Variants in SF1 observed in about 807,000 individuals in gnomAD.
The protein encoded by SF1 is splicing factor 1, also known as branch point-binding protein.
A neutral mutation model predicts 62.5 loss-of-function variants in SF1; 7 were observed. The ratio of observed to expected loss-of-function variants is 0.11; its 90% CI spans 0.06 to 0.21. The LOEUF (loss-of-function observed/expected upper bound fraction) is 0.21, where lower values mean the gene tolerates loss of function less well. SF1 is among the 10% of genes least tolerant of loss of function. The pLI is 1.00. For missense variants in SF1, 578 were observed against 884.0 expected (o/e 0.65, Z 4.39); for synonymous variants, 394 against 323.6 (o/e 1.22, Z -2.33).
In SF1 at chr11:64,769,626, G is replaced by A. The variant is rs2135921678; in HGVS notation, c.480-17C>T. 1.2e-6 allele frequency: 2 copies of A among 1,607,826 alleles called. No homozygotes were observed. Among genetic ancestry groups the A allele is most frequent in the Non-Finnish European group, 1.7e-6 (2 of 1,175,664 alleles). ...GTGTTCCCTCTAGAGAGGCAGAAAT[G>A]ACTAAGTTTATACCTGACAAATTCA... On this transcript the variant is annotated splice_polypyrimidine_tract_variant and intron_variant, in intron 5 of 12. Coordinates refer to ENST00000377390, the MANE Select transcript of SF1 (RefSeq NM_004630.4).
intron 8 of SF1, 92 bp downstream of exon 8, chr11:64,768,930 C>T (rs1937821953): frequency 1.1e-6 from 1 of 874,420 alleles, no homozygotes; most frequent in South Asian, 1.3e-5. Context: ...GGATGTTTCT[C>T]TTGGTAAGAT....
At chr11:64,777,972 C>T in intron 1 of SF1, 1 of 992,690 alleles carries the variant, frequency 1.0e-6, no homozygotes, top group Non-Finnish European at 1.2e-6. Flanking sequence ...CTCGCGCTCT[C>T]TCGGCCCGAC....
intron 3 of SF1, 42 bp from the exon 4 acceptor site, chr11:64,770,450 C>G: frequency 6.3e-7 from 1 of 1,595,410 alleles, no homozygotes; most frequent in Non-Finnish European, 8.6e-7. Context: ...GCACCGACTT[C>G]TCTCATTCCC....
In SF1 at chr11:64,765,086, C is replaced by T. The variant is rs911172616; in HGVS notation, c.*732G>A. On this transcript the variant is annotated 3_prime_UTR_variant, in exon 13 of 13. Transcript: ENST00000377390. ...GACAAGGGTGGCAGAGATTAAAAAA[C>T]CCCACGCTTTAAACAAACATCTTTG... is the stretch of plus-strand genomic sequence containing the variant. 4.4e-4 allele frequency: 77 copies of T among 175,472 alleles called. No individual in the cohort carries two copies. Among genetic ancestry groups the T allele is most frequent in the African/African-American group, 1.8e-3 (76 of 42,380 alleles). The allele number at this position is 175,472 out of a possible 1,614,324, so 10.9% of individuals were successfully genotyped here. A position where few individuals can be genotyped will look rare whatever the true frequency, so the allele number is the denominator to read the frequency against.
At chr11:64,766,200 C>G in intron 12 of SF1, 45 bp from the exon 13 acceptor site, 1 of 1,512,852 alleles carries the variant, frequency 6.6e-7, no homozygotes, top group Non-Finnish European at 9.0e-7. Context: ...GGGGGCACAC[C>G]GCGGCTGTCT....
intron 1 of SF1, chr11:64,778,136 G>A (rs1939689997): frequency 2.4e-6 from 2 of 817,602 alleles, no homozygotes; most frequent in Non-Finnish European, 3.0e-6. Flanking sequence ...TGGCGGTGGA[G>A]GCGGCGGCGG....
In SF1 at chr11:64,767,758, A is replaced by G; in HGVS notation, c.1155T>C (p.Gly385=). The stretch of plus-strand genomic sequence containing the variant: ...GGCCACCTCCGGGCCCACCAGGACC[A>G]CCTCCATGCATGCCGTGGTAGGGCC... ...ESRPYHGMHG[G]GPGGPGGGPH... The change falls in exon 10 of 13, where the codon GGT becomes GGC. Residue 385 remains glycine, a synonymous_variant. Coordinates refer to ENST00000377390, the MANE Select transcript of SF1 (RefSeq NM_004630.4). 1 of 1,613,190 alleles carries G rather than the reference A, an allele frequency of 6.2e-7. No homozygotes were observed. The highest frequency in any genetic ancestry group is 8.5e-7 in the Non-Finnish European group (1 of 1,179,610).
intron 12 of SF1, 39 bp downstream of exon 12, chr11:64,766,861 A>AAC (rs2135886311): frequency 1.9e-5 from 3 of 158,968 alleles, no homozygotes; most frequent in Non-Finnish European, 3.7e-5. Flanking sequence ...CCCCACCCCC[A>AAC]TCCCACCCAC....
At chr11:64,777,518 T>A in intron 1 of SF1, 1 of 985,414 alleles carries the variant, frequency 1.0e-6, no homozygotes, top group Non-Finnish European at 1.2e-6. Flanking sequence ...ATGAAAACCC[T>A]GCCTTGCTGT....
rs747475240 is a variant in SF1, at chr11:64,765,361, G to A, written c.*457C>T. Reference sequence around the variant, plus strand: ...AAAAATTTCACGATATGGAGCCAGCGTGTTCCGATTCCGTCCACAAAAATA... The same window carrying A: ...AAAAATTTCACGATATGGAGCCAGCATGTTCCGATTCCGTCCACAAAAATA... On this transcript the variant is annotated 3_prime_UTR_variant, in exon 13 of 13. Transcript: ENST00000377390. 1.9e-5 allele frequency: 16 copies of A among 864,172 alleles called. No homozygotes were observed. The highest frequency in any genetic ancestry group is 2.4e-4 in the Middle Eastern group (1 of 4,184). The allele number at this position is 864,172 out of a possible 1,614,324, so 53.5% of individuals were successfully genotyped here.
intron 3 of SF1, chr11:64,771,572 C>T (rs1188057501): frequency 4.1e-6 from 4 of 985,266 alleles, no homozygotes; most frequent in Non-Finnish European, 4.8e-6. Context: ...GTTACACACA[C>T]GATGGAATAA....
intron 2 of SF1, among the ~76,000 whole-genome samples, chr11:64,774,168 A>G (rs1938765294): frequency 1.3e-5 from 2 of 152,238 alleles, no homozygotes; most frequent in African/African-American, 4.8e-5. Flanking sequence ...TTATTCAAAT[A>G]TTAAATGACA....
chr11:64,775,921 C>T (rs71583708), intron 2 of SF1: 265 of 153,200 alleles, frequency 1.7e-3, no homozygotes, highest in Middle Eastern at 0.01. Context: ...CATTTTAAGA[C>T]AGCTCTCCAT....
At chr11:64,773,781 C>CTA (rs1429496395) in intron 2 of SF1, among the ~76,000 whole-genome samples, 1 of 152,198 alleles carries the variant, frequency 6.6e-6, no homozygotes, top group African/African-American at 2.4e-5. Context: ...CTAAGGCTAA[C>CTA]ATCCAAGCAA....
chr11:64,771,183 A>T (rs1370456886), intron 3 of SF1, among the ~76,000 whole-genome samples: 1 of 152,354 alleles, frequency 6.6e-6, no homozygotes, highest in Admixed American at 6.5e-5. Context: ...ACCAGAGTTT[A>T]CAAGTCCAGA....
At chr11:64,777,659 G>T (rs1939534592) in intron 1 of SF1, 1 of 985,538 alleles carries the variant, frequency 1.0e-6, no homozygotes, top group Non-Finnish European at 1.2e-6. Flanking sequence ...GTCCAGCGCT[G>T]AACACCCGCC....
chr11:64,777,949 C>A (rs1477378585), intron 1 of SF1: 20 of 986,254 alleles, frequency 2.0e-5, no homozygotes, highest in Non-Finnish European at 2.4e-5. Flanking sequence ...CCGGGCCCGT[C>A]CGCGCGACGC....
intron 3 of SF1, chr11:64,771,657 C>T: frequency 3.0e-6 from 3 of 985,314 alleles, no homozygotes; most frequent in Non-Finnish European, 3.6e-6. Flanking sequence ...ACTGTTAGCA[C>T]AATCCATTAA....
intron 4 of SF1, 68 bp downstream of exon 4, chr11:64,770,187 TC>T: frequency 6.3e-7 from 1 of 1,575,618 alleles, no homozygotes; most frequent in African/African-American, 1.3e-5. Context: ...ACCAATACTG[TC>T]CCATCCCAGC....
Sources: gnomAD v4.1 joint callset for allele counts (sites outside exome capture counted in the v4.1 genomes callset) on GRCh38, gnomAD v4.1.1 for gene constraint, MANE v1.5 for transcripts, NCBI Gene and HGNC (gene_info 2026-07-23, HGNC 2026-07-21) for gene names.